IL17B: variants seen among roughly 807,000 people sequenced by gnomAD.
IL17B encodes interleukin 17B, also known as interleukin-17B.
IL17B carries 14 observed loss-of-function variants against 14.7 expected under a neutral mutation model. The observed-to-expected ratio is 0.95, with a 90% confidence interval of 0.63 to 1.49. The LOEUF (loss-of-function observed/expected upper bound fraction) is 1.49, where lower values mean the gene tolerates loss of function less well. IL17B is among the 40% of genes most tolerant of loss of function. IL17B has a pLI of 0.00. For synonymous variants in IL17B, 105 were observed against 94.8 expected, an observed-to-expected ratio of 1.11 and a Z score of -0.62; for missense variants, 233 against 252.8, an observed-to-expected ratio of 0.92 and a Z score of 0.53.
intron 1 of IL17B, among the ~76,000 whole-genome samples, chr5:149,390,422 C>G (rs1193333076): frequency 6.6e-6 from 1 of 151,940 alleles, no homozygotes; most frequent in Admixed American, 6.6e-5. Context: ...TCTCCCACGC[C>G]CAGATGCTTA....
chr5:149,403,854 C>T (rs567256755), intron 1 of IL17B, among the ~76,000 whole-genome samples: 1 of 152,282 alleles, frequency 6.6e-6, no homozygotes, highest in Admixed American at 6.5e-5. Context: ...AAAGTATTTC[C>T]CATGTGGATC....
chr5:149,379,411 G>C (rs558044310), upstream of IL17B: 2,776 of 659,124 alleles, frequency 4.2e-3, 17 homozygotes, highest in Non-Finnish European at 4.0e-3. Context: ...GCCTAGCGCA[G>C]TGGCAGGCGG....
At chr5:149,396,797 C>T (rs1759101745) in intron 1 of IL17B, among the ~76,000 whole-genome samples, 1 of 152,118 alleles carries the variant, frequency 6.6e-6, no homozygotes, top group African/African-American at 2.4e-5. Context: ...AATAGTTCAC[C>T]ATGTAATGTG....
intron 1 of IL17B, among the ~76,000 whole-genome samples, chr5:149,398,044 C>G (rs185197440): frequency 3.3e-5 from 5 of 152,166 alleles, no homozygotes; most frequent in Non-Finnish European, 5.9e-5. Flanking sequence ...CATACACACC[C>G]GACATAATGC....
At chr5:149,384,062 C>T (rs1006814945), upstream of IL17B, among the ~76,000 whole-genome samples, 36 of 152,348 alleles carry the variant, frequency 2.4e-4, no homozygotes, top group East Asian at 3.5e-3. Flanking sequence ...GGAACGCTTT[C>T]TAAGTGCCTT....
Position 149,376,933 on chromosome 5 carries a change from CA to C in IL17B, c.113del (p.Leu38ArgfsTer16). The C allele has an allele frequency of 1.9e-6, 3 of 1,613,724 alleles. No homozygotes were observed. The highest frequency in any genetic ancestry group is 2.5e-6 in the Non-Finnish European group (3 of 1,179,878). On this transcript the variant is annotated frameshift_variant, in exon 2 of 3. Coordinates refer to ENST00000261796, the MANE Select transcript of IL17B (RefSeq NM_014443.3). LOFTEE classifies it high-confidence loss of function. Reference protein sequence around the residue: ...KRKGQGRPGPLAPGPHQVPLD... With the variant: ...KRKGQGRPGPXAPGPHQVPLD... ...GTGGCACCTGGTGAGGGCCAGGGGC[CA>C]GGGGCCCAGGCCGCCCTTGCCCCTT...
At chr5:149,380,593 C>G (rs1758667612), upstream of IL17B, among the ~76,000 whole-genome samples, 1 of 152,200 alleles carries the variant, frequency 6.6e-6, no homozygotes, top group South Asian at 2.1e-4. Context: ...TGGCCAATGT[C>G]TCTCACCTCA....
upstream of IL17B, among the ~76,000 whole-genome samples, chr5:149,384,255 C>T (rs994917799): frequency 1.2e-4 from 19 of 152,178 alleles, no homozygotes; most frequent in African/African-American, 4.6e-4. Flanking sequence ...ATTTGCCCTG[C>T]CCCTTATTAT....
Position 149,391,245 on chromosome 5 carries a change from C to T in IL17B, n.95+12863G>A, listed in dbSNP as rs577279094. Among the ~76,000 whole-genome samples, 18 of 152,298 alleles carry T rather than the reference C, an allele frequency of 1.2e-4. No homozygotes were observed. In the South Asian group the frequency reaches 2.7e-3, roughly 23 times the overall value. ...CCTCCCAAACTGCTGGGATTACAGA[C>T]GTGAGCCACTGCGCCCAGCGTTGGA... On this transcript the variant is annotated intron_variant and non_coding_transcript_variant, in intron 1 of 2. Transcript: ENST00000505432.
intron 1 of IL17B, among the ~76,000 whole-genome samples, chr5:149,403,527 T>C (rs1759255426): frequency 6.6e-6 from 1 of 152,232 alleles, no homozygotes; most frequent in Non-Finnish European, 1.5e-5. Context: ...AGTTTTATGT[T>C]CATTGAAGAG....
chr5:149,378,828 C>A (rs1758612606), intron 1 of IL17B, among the ~76,000 whole-genome samples: 1 of 152,242 alleles, frequency 6.6e-6, no homozygotes, highest in African/African-American at 2.4e-5. Context: ...AGAATAGAAT[C>A]AAAGTCCCCC....
intron 1 of IL17B, among the ~76,000 whole-genome samples, chr5:149,385,437 C>T (rs959190030): frequency 1.2e-4 from 18 of 152,340 alleles, no homozygotes; most frequent in African/African-American, 2.9e-4. Flanking sequence ...AGCCACCGTA[C>T]GCGGCCAGTT....
upstream of IL17B, among the ~76,000 whole-genome samples, chr5:149,382,766 C>T (rs1223254351): frequency 6.6e-6 from 1 of 152,258 alleles, no homozygotes; most frequent in East Asian, 1.9e-4. Flanking sequence ...TGGCCTCAAA[C>T]AACCTGAACC....
upstream of IL17B, among the ~76,000 whole-genome samples, chr5:149,383,249 A>T (rs2127619125): frequency 6.6e-6 from 1 of 152,392 alleles, no homozygotes; most frequent in Admixed American, 6.5e-5. Flanking sequence ...TCATTCCTAC[A>T]GTTAAAATGA....
At chr5:149,392,368 C>T (rs565282479) in intron 1 of IL17B, among the ~76,000 whole-genome samples, 2 of 152,318 alleles carry the variant, frequency 1.3e-5, no homozygotes, top group Non-Finnish European at 1.5e-5. Context: ...ATGGCACTTC[C>T]GTGCAGTGGA....
chr5:149,378,741 C>T (rs1029182166), intron 1 of IL17B, among the ~76,000 whole-genome samples: 2 of 152,236 alleles, frequency 1.3e-5, no homozygotes, highest in African/African-American at 4.8e-5. Context: ...GAAAAAATGT[C>T]TCCCTAACAA....
intron 2 of IL17B, among the ~76,000 whole-genome samples, chr5:149,376,527 C>A (rs1277889182): frequency 1.3e-5 from 2 of 152,218 alleles, no homozygotes; most frequent in African/African-American, 2.4e-5. Flanking sequence ...CTCTGAGGTA[C>A]TACTGTTGCC....
chr5:149,398,885 G>A lies in IL17B; in HGVS notation n.95+5223C>T, dbSNP rs147223440. 2.6e-4 allele frequency among the ~76,000 whole-genome samples: 39 copies of A among 152,320 alleles called. 2 individuals carry two copies. In the East Asian group the frequency reaches 7.0e-3, roughly 27 times the overall value. On this transcript the variant is annotated intron_variant and non_coding_transcript_variant, in intron 1 of 2. Coordinates refer to the IL17B transcript ENST00000505432. ...CCACTGTACTCCAGCCTGGGTGACA[G>A]AGCAAAACTCTGTCTCAAAAAAGAA... is the stretch of plus-strand genomic sequence containing the variant.
upstream of IL17B, among the ~76,000 whole-genome samples, chr5:149,380,972 G>A (rs1758680723): frequency 6.6e-6 from 1 of 152,208 alleles, no homozygotes; most frequent in South Asian, 2.1e-4. Context: ...GGCAACAAGG[G>A]CCCCGCCCCC....
Sources: allele counts gnomAD v4.1 joint callset (sites outside exome capture counted in the v4.1 genomes callset), GRCh38; gene constraint gnomAD v4.1.1; transcripts MANE v1.5; gene names NCBI Gene and HGNC (gene_info 2026-07-23, HGNC 2026-07-21).